Variants in ZNF677 observed in about 807,000 individuals in gnomAD.
ZNF677 encodes the protein hypothetical protein MGC48625.
Under a neutral mutation model 8.1 loss-of-function variants are expected in ZNF677, and 5 were observed. The ratio of observed to expected loss-of-function variants is 0.62; its 90% CI spans 0.32 to 1.29. ZNF677 has a LOEUF of 1.29. ZNF677 is among the 50% of genes most tolerant of loss of function. The pLI is 0.05. For synonymous variants in ZNF677, 221 were observed against 225.6 expected (o/e 0.98, Z 0.18); for missense variants, 685 against 685.9 (o/e 1.00, Z 0.01).
intron 3 of ZNF677, among the ~76,000 whole-genome samples, chr19:53,244,382 A>T (rs543822277): frequency 4.6e-5 from 7 of 152,334 alleles, no homozygotes; most frequent in African/African-American, 1.7e-4. Context: ...CAAATAAATT[A>T]GCCATTTTAA....
At chr19:53,251,439 G>T (rs1599925620) in intron 3 of ZNF677, 97 bp downstream of exon 3, 1 of 978,890 alleles carries the variant, frequency 1.0e-6, no homozygotes, top group South Asian at 1.3e-5. Context: ...ATACATATTA[G>T]TCAGGACACT....
intron 2 of ZNF677, among the ~76,000 whole-genome samples, chr19:53,252,591 T>C (rs2965241): frequency 0.7 from 107,016 of 152,118 alleles, 37,853 homozygotes; most frequent in East Asian, 0.8. Context: ...TATTCAAAAA[T>C]ATGAAATTAC....
chr19:53,244,732 AC>A (rs1244473922), intron 3 of ZNF677, among the ~76,000 whole-genome samples: 2 of 152,246 alleles, frequency 1.3e-5, no homozygotes, highest in African/African-American at 2.4e-5. Flanking sequence ...GACACTTTTT[AC>A]AAAAATATAA....
Position 53,238,117 on chromosome 19 carries a change from T to C in ZNF677, c.610A>G (p.Arg204Gly), listed in dbSNP as rs1162184931. The C allele has an allele frequency of 3.1e-6, 5 of 1,613,846 alleles. No homozygotes were observed. The highest frequency in any genetic ancestry group is 4.2e-6 in the Non-Finnish European group (5 of 1,179,898). Residue 204 changes from arginine (R) to glycine (G), a missense_variant, in exon 5 of 5, where the codon AGA becomes GGA. Coordinates refer to ENST00000598513, the MANE Select transcript of ZNF677 (RefSeq NM_182609.4). ...TACATTTTCTCCCCAGTTTGAAATCTCTGTAGTTCAGCCAGCTGTGCCTGT... is the reference window on the plus strand; with the variant it reads ...TACATTTTCTCCCCAGTTTGAAATCCCTGTAGTTCAGCCAGCTGTGCCTGT... ...SLQAQLAELQ[R>G]FQTGEKMYEC...
At chr19:53,249,975 C>T (rs780264601) in intron 3 of ZNF677, among the ~76,000 whole-genome samples, 2 of 152,052 alleles carry the variant, frequency 1.3e-5, no homozygotes, top group African/African-American at 4.8e-5. Flanking sequence ...CGGGTTCAAG[C>T]GATTCTCCTG....
At chr19:53,242,605 A>G (rs1453673748) in intron 4 of ZNF677, 1 of 393,232 alleles carries the variant, frequency 2.5e-6, no homozygotes, top group Non-Finnish European at 4.5e-6. Flanking sequence ...GGGCTTGAAC[A>G]AGTAGAGAGA....
At chr19:53,246,991 A>G (rs959834796) in intron 3 of ZNF677, among the ~76,000 whole-genome samples, 1 of 152,312 alleles carries the variant, frequency 6.6e-6, no homozygotes, top group Middle Eastern at 3.4e-3. Context: ...AACTCATCAA[A>G]TTGTATACAT....
chr19:53,242,226 C>G (rs2091063595), intron 4 of ZNF677: 1 of 398,142 alleles, frequency 2.5e-6, no homozygotes, highest in African/African-American at 2.1e-5. Context: ...GGCACCACGC[C>G]CATCCGGAAT....
At chr19:53,254,176 T>C (rs1032575344) in intron 1 of ZNF677, among the ~76,000 whole-genome samples, 3 of 152,194 alleles carry the variant, frequency 2.0e-5, no homozygotes, top group Non-Finnish European at 4.4e-5. Context: ...ATTAAATCAA[T>C]CCACACTCAC....
Position 53,238,330 on chromosome 19 carries a change from C to A in ZNF677, c.397G>T (p.Asp133Tyr). ...ATTGAGGATTTATTATGTTGTTGAT[C>A]TTTTCTGTGAGTGAGATTTTTGTTA... ...TCNKNLTHRK[D>Y]QQHNKSSIHF... Residue 133 changes from aspartate (D) to tyrosine (Y), a missense_variant, in exon 5 of 5, where the codon GAT becomes TAT. Asp to Tyr is a radical substitution (Grantham distance 160). Transcript: ENST00000598513. 4 of 1,613,162 alleles carry A rather than the reference C, an allele frequency of 2.5e-6. No individual in the cohort carries two copies. The South Asian group carries it at 3.3e-5, about 13-fold the overall frequency.
In ZNF677 at chr19:53,237,662, T is replaced by C. The variant is rs1161813493; in HGVS notation, c.1065A>G (p.Ala355=). The C allele has an allele frequency of 1.2e-6, 2 of 1,612,746 alleles. No individual in the cohort carries two copies. Among genetic ancestry groups the C allele is most frequent in the East Asian group, 2.2e-5 (1 of 44,846 alleles). ...KPYKCNECGK[A]FIQRSHLWGH... ...CCCAAAGGTGTGAACGCTGGATAAATGCCTTACCACATTCATTACATTTGT... is the reference window on the plus strand; with the variant it reads ...CCCAAAGGTGTGAACGCTGGATAAACGCCTTACCACATTCATTACATTTGT... The change falls in exon 5 of 5, where the codon GCA becomes GCG. Residue 355 remains alanine, a synonymous_variant. Transcript: ENST00000598513.
At position 53,237,812 on chromosome 19, in the gene ZNF677, G is replaced by T. The variant is rs767561412; in HGVS notation, c.915C>A (p.Asn305Lys). 4 of 1,612,774 alleles carry T rather than the reference G, an allele frequency of 2.5e-6. No individual in the cohort carries two copies. Among genetic ancestry groups the T allele is most frequent in the South Asian group, 2.2e-5 (2 of 90,922 alleles). The part of the protein sequence containing the change: ...ECGKAFNQCS[N>K]LTRHQRVHTG... The stretch of plus-strand genomic sequence containing the variant: ...TATGGACTCTCTGATGCCTAGTGAG[G>T]TTCGAACACTGGTTAAAGGCTTTGC... Residue 305 changes from asparagine (N) to lysine (K), a missense_variant, in exon 5 of 5, where the codon AAC (asparagine) becomes AAA (lysine). Transcript: ENST00000598513.
At chr19:53,242,459 T>A (rs1205342443) in intron 4 of ZNF677, 1 of 398,442 alleles carries the variant, frequency 2.5e-6, no homozygotes, top group East Asian at 3.6e-5. Flanking sequence ...ATGAGATATA[T>A]TCCCATTTTG....
intron 1 of ZNF677, among the ~76,000 whole-genome samples, chr19:53,254,361 G>A (rs921464513): frequency 7.2e-5 from 11 of 151,878 alleles, no homozygotes; most frequent in African/African-American, 2.4e-4. Flanking sequence ...AGAGTGTTTG[G>A]CCCCATCCTG....
At position 53,237,390 on chromosome 19, in the gene ZNF677, A is replaced by G. The variant is rs376608463; in HGVS notation, c.1337T>C (p.Leu446Pro). The G allele has an allele frequency of 6.8e-6, 11 of 1,613,920 alleles. 1 individual carries two copies. The South Asian group carries it at 9.9e-5, about 14-fold the overall frequency. Residue 446 changes from leucine (L) to proline (P), a missense_variant, in exon 5 of 5, where the codon CTT becomes CCT. Transcript: ENST00000598513. ...CGRAFIQSSS[L>P]VEHQRIHTGE... Reference sequence around the variant, plus strand: ...AGTGTGAATTCTCTGATGTTCCACAAGACTTGAACTTTGGATAAAAGCCCT... The same window carrying G: ...AGTGTGAATTCTCTGATGTTCCACAGGACTTGAACTTTGGATAAAAGCCCT...
chr19:53,242,001 G>A lies in ZNF677; in HGVS notation c.169+1743C>T, dbSNP rs1013539926. 19 of 390,474 alleles carry A rather than the reference G, an allele frequency of 4.9e-5. No individual in the cohort carries two copies. In the Middle Eastern group the frequency reaches 1.9e-3, roughly 40 times the overall value. The allele number at this position is 390,474 out of a possible 1,614,324, so 24.2% of individuals were successfully genotyped here. On this transcript the variant is annotated intron_variant, in intron 4 of 4. Coordinates refer to ENST00000598513, the MANE Select transcript of ZNF677 (RefSeq NM_182609.4). Reference sequence around the variant, plus strand: ...GGCTGGAGTGCAATGGCGTGATCTCGGCTCACCACAACCTCTGCCTCTCGG... The same window carrying A: ...GGCTGGAGTGCAATGGCGTGATCTCAGCTCACCACAACCTCTGCCTCTCGG...
At chr19:53,246,104 G>A (rs1038242917) in intron 3 of ZNF677, among the ~76,000 whole-genome samples, 5 of 152,188 alleles carry the variant, frequency 3.3e-5, no homozygotes, top group Admixed American at 1.3e-4. Flanking sequence ...GGATCACACG[G>A]TCAGGAGATT....
At chr19:53,242,016 C>T (rs547530749) in intron 4 of ZNF677, 74 of 393,646 alleles carry the variant, frequency 1.9e-4, no homozygotes, top group Non-Finnish European at 2.9e-4. Flanking sequence ...ACCACAACCT[C>T]TGCCTCTCGG....
intron 1 of ZNF677, 173 bp downstream of exon 1, chr19:53,254,661 G>C (rs1398558450): frequency 6.6e-6 from 1 of 152,466 alleles, no homozygotes; most frequent in Admixed American, 6.5e-5. Flanking sequence ...AATGGACGCA[G>C]ATCTCTAGAC....
Sources: allele counts gnomAD v4.1 joint callset (sites outside exome capture counted in the v4.1 genomes callset), GRCh38; gene constraint gnomAD v4.1.1; transcripts MANE v1.5; gene names NCBI Gene and HGNC (gene_info 2026-07-23, HGNC 2026-07-21).